TMEM132B: variants seen among roughly 807,000 people sequenced by gnomAD.
TMEM132B encodes the protein transmembrane protein 132B.
In TMEM132B, 18 loss-of-function variants were observed where a neutral mutation model predicts 90.8. The observed-to-expected ratio is 0.20, with a 90% CI of 0.14 to 0.29. TMEM132B has a LOEUF of 0.29. TMEM132B is among the 10% of genes least tolerant of loss of function. The pLI, the probability that TMEM132B is intolerant of heterozygous loss-of-function variation, is 1.00. For synonymous variants in TMEM132B, 504 were observed against 523.3 expected (o/e 0.96, Z 0.50); for missense variants, 1,096 against 1,326.8 (o/e 0.83, Z 2.70).
At chr12:125,546,129 A>G (rs1884084262) in intron 4 of TMEM132B, among the ~76,000 whole-genome samples, 2 of 152,120 alleles carry the variant, frequency 1.3e-5, no homozygotes, top group Non-Finnish European at 1.5e-5. Context: ...TAATGTATAC[A>G]TCTTTTGCAA....
At chr12:125,344,036 C>T (rs1877279886) in intron 1 of TMEM132B, among the ~76,000 whole-genome samples, 1 of 152,218 alleles carries the variant, frequency 6.6e-6, no homozygotes, top group Non-Finnish European at 1.5e-5. Flanking sequence ...TTAATTTCTC[C>T]TGCTAGGTAC....
intron 3 of TMEM132B, among the ~76,000 whole-genome samples, chr12:125,507,328 CA>C (rs749350085): frequency 6.6e-6 from 1 of 152,156 alleles, no homozygotes. Context: ...AACATGCAGA[CA>C]AAACCCTTGC....
At chr12:125,650,070 C>T (rs1292338424) in intron 6 of TMEM132B, among the ~76,000 whole-genome samples, 1 of 152,142 alleles carries the variant, frequency 6.6e-6, no homozygotes, top group Non-Finnish European at 1.5e-5. Context: ...GAAGTTGCTT[C>T]TTTCTGTACA....
At chr12:125,366,798 C>T (rs1878146655) in intron 2 of TMEM132B, among the ~76,000 whole-genome samples, 1 of 152,172 alleles carries the variant, frequency 6.6e-6, no homozygotes, top group Non-Finnish European at 1.5e-5. Context: ...ATGTCAATTA[C>T]ACATATACTA....
intron 8 of TMEM132B, 87 bp downstream of exon 8, chr12:125,652,719 C>T (rs904427130): frequency 3.7e-5 from 53 of 1,438,048 alleles, no homozygotes; most frequent in Non-Finnish European, 5.0e-5. Context: ...AGCAGGAGAG[C>T]CCTCACGCCT....
At chr12:125,303,522 G>A (rs1178613520) in intron 1 of TMEM132B, among the ~76,000 whole-genome samples, 3 of 152,268 alleles carry the variant, frequency 2.0e-5, no homozygotes, top group South Asian at 2.1e-4. Flanking sequence ...TTGCTGGATC[G>A]TATGGTAATT....
At chr12:125,610,744 T>TA (rs778680327) in intron 5 of TMEM132B, among the ~76,000 whole-genome samples, 10 of 152,042 alleles carry the variant, frequency 6.6e-5, no homozygotes, top group Admixed American at 5.2e-4. Flanking sequence ...AACAAATGGT[T>TA]AAAAAAATAA....
chr12:125,586,109 C>A (rs1885173622), intron 5 of TMEM132B: 1 of 152,130 alleles, frequency 6.6e-6, no homozygotes. Context: ...TCATTAGCAC[C>A]CTTTGGAGAG....
intron 4 of TMEM132B, among the ~76,000 whole-genome samples, chr12:125,572,392 C>T (rs532668537): frequency 8.3e-4 from 127 of 152,254 alleles, no homozygotes; most frequent in African/African-American, 2.9e-3. Flanking sequence ...TCCTTTTTGC[C>T]CTCTGCCTTC....
chr12:125,565,368 G>A (rs538383200), intron 4 of TMEM132B, among the ~76,000 whole-genome samples: 1 of 152,326 alleles, frequency 6.6e-6, no homozygotes, highest in South Asian at 2.1e-4. Flanking sequence ...TCTGGGCTCC[G>A]GCCCCACAGC....
intron 1 of TMEM132B, among the ~76,000 whole-genome samples, chr12:125,278,005 G>A (rs953492237): frequency 6.6e-6 from 1 of 152,142 alleles, no homozygotes; most frequent in East Asian, 1.9e-4. Context: ...GTTGTGTTTT[G>A]TGTCAAGACT....
In TMEM132B at chr12:125,283,799, C is replaced by T. The variant is rs562405448; in HGVS notation, c.68-65653C>T. On this transcript the variant is annotated intron_variant, in intron 1 of 8. Coordinates refer to ENST00000682704, the MANE Select transcript of TMEM132B (RefSeq NM_001366854.1). ...CAAGTGAGACTGTTGGTCTGTCTGC[C>T]ACTCCCTCTGGAGAGATACTAGGAG... is the stretch of plus-strand genomic sequence containing the variant. 9.6e-4 allele frequency among the ~76,000 whole-genome samples: 147 copies of T among 152,358 alleles called. 1 individual carries two copies. Among genetic ancestry groups the T allele is most frequent in the African/African-American group, 3.5e-3 (145 of 41,578 alleles).
At chr12:125,228,916 C>T (rs1211007027) in intron 1 of TMEM132B, among the ~76,000 whole-genome samples, 1 of 152,286 alleles carries the variant, frequency 6.6e-6, no homozygotes. Flanking sequence ...CTAATTCTCT[C>T]CCTAAGAGAG....
At chr12:125,403,834 C>G (rs1174465253) in intron 2 of TMEM132B, among the ~76,000 whole-genome samples, 1 of 152,212 alleles carries the variant, frequency 6.6e-6, no homozygotes, top group Non-Finnish European at 1.5e-5. Context: ...TAGTGACCAG[C>G]TTAGTTGACC....
At chr12:125,427,440 A>G (rs2136390914) in intron 3 of TMEM132B, among the ~76,000 whole-genome samples, 1 of 152,288 alleles carries the variant, frequency 6.6e-6, no homozygotes. Context: ...TGGGATTTGA[A>G]CCCAGGCTTC....
At chr12:125,268,858 A>G (rs527561156) in intron 1 of TMEM132B, among the ~76,000 whole-genome samples, 1 of 152,368 alleles carries the variant, frequency 6.6e-6, no homozygotes, top group Admixed American at 6.5e-5. Context: ...TTTCCCAGGC[A>G]TCACACAGCA....
rs1310249715 is a variant in TMEM132B at position 125,459,061 on chromosome 12, C to G, written c.1106+43384C>G. Among the ~76,000 whole-genome samples, 1 of 152,190 alleles carries G rather than the reference C, an allele frequency of 6.6e-6. No homozygotes were observed. Among genetic ancestry groups the G allele is most frequent in the African/African-American group, 2.4e-5 (1 of 41,446 alleles). ...TCACCATTTGTCCACAGCAAAGCCC[C>G]TTTCAGAGCACCCCCGTCCATCTTA... is the stretch of plus-strand genomic sequence containing the variant. On this transcript the variant is annotated intron_variant, in intron 3 of 8. Transcript: ENST00000682704. This position sits in a 1 kb window ranked among gnomAD's most constrained non-coding sequence, Gnocchi z 4.1.
chr12:125,339,705 T>C (rs57688627), intron 1 of TMEM132B, among the ~76,000 whole-genome samples: 1,857 of 152,276 alleles, frequency 0.012, 42 homozygotes, highest in African/African-American at 0.043. Context: ...GAGCAGCCAC[T>C]GTGTAGCCAG....
chr12:125,448,259 A>C (rs988398392), intron 3 of TMEM132B, among the ~76,000 whole-genome samples: 2 of 152,168 alleles, frequency 1.3e-5, no homozygotes, highest in African/African-American at 4.8e-5. Flanking sequence ...CAAAAAAAAA[A>C]AAATTCATTT....
Sources: gnomAD v4.1 joint callset for allele counts (sites outside exome capture counted in the v4.1 genomes callset) on GRCh38, gnomAD v4.1.1 for gene constraint, Gnocchi (gnomAD v3.1) non-coding constraint, MANE v1.5 for transcripts, NCBI Gene and HGNC (gene_info 2026-07-23, HGNC 2026-07-21) for gene names.